The following EEPD1 variants were observed in gnomAD, a reference collection of about 807,000 sequenced individuals.
EEPD1 encodes endonuclease/exonuclease/phosphatase family domain containing 1.
In EEPD1, 17 loss-of-function variants were observed where a neutral mutation model predicts 46.3. That is an observed-to-expected ratio of 0.37 (90% CI 0.25 to 0.55). The LOEUF (loss-of-function observed/expected upper bound fraction) is 0.55. Among genes scored for constraint, EEPD1 ranks in the 20% least tolerant of loss-of-function variants. The pLI, the probability that EEPD1 is intolerant of heterozygous loss-of-function variation, is 0.83. For missense variants in EEPD1, 673 were observed against 745.6 expected, an observed-to-expected ratio of 0.90 and a Z score of 1.13; for synonymous variants, 313 against 315.6, an observed-to-expected ratio of 0.99 and a Z score of 0.09.
At chr7:36,181,606 C>T (rs1330194559) in intron 2 of EEPD1, among the ~76,000 whole-genome samples, 1 of 152,130 alleles carries the variant, frequency 6.6e-6, no homozygotes, top group African/African-American at 2.4e-5. Flanking sequence ...AAACACTGCC[C>T]TCATGTTACA....
Position 36,301,070 on chromosome 7 carries a change from C to T in EEPD1, c.*1864C>T, listed in dbSNP as rs1025172351. On this transcript the variant is annotated 3_prime_UTR_variant, in exon 8 of 8. Coordinates refer to ENST00000242108, the MANE Select transcript of EEPD1 (RefSeq NM_030636.3). ...CTTTAGCCAGATTGCTTTTTGCAACCAAAGCTGTGGACAGAAAAGCCTCCT... is the reference window on the plus strand; with the variant it reads ...CTTTAGCCAGATTGCTTTTTGCAACTAAAGCTGTGGACAGAAAAGCCTCCT... The T allele has an allele frequency of 2.0e-5, 3 of 152,304 alleles. No homozygotes were observed. The highest frequency in any genetic ancestry group is 7.2e-5 in the African/African-American group (3 of 41,562). The allele number at this position is 152,304 out of a possible 1,614,324, so 9.4% of individuals were successfully genotyped here.
At chr7:36,163,910 G>T (rs1396695827) in intron 2 of EEPD1, among the ~76,000 whole-genome samples, 3 of 148,866 alleles carry the variant, frequency 2.0e-5, no homozygotes, top group Non-Finnish European at 4.5e-5. Flanking sequence ...AAGCTATTCT[G>T]TTCAGTAATG....
intron 3 of EEPD1, among the ~76,000 whole-genome samples, chr7:36,272,117 A>G (rs1232730291): frequency 6.6e-6 from 1 of 151,920 alleles, no homozygotes; most frequent in Non-Finnish European, 1.5e-5. Flanking sequence ...TCCTGACCTC[A>G]AGTGATCCAC....
chr7:36,227,738 G>A (rs967305145), intron 2 of EEPD1, among the ~76,000 whole-genome samples: 3 of 152,148 alleles, frequency 2.0e-5, no homozygotes, highest in Admixed American at 6.5e-5. Flanking sequence ...TGCCCAGGCT[G>A]GAGTGCAGAT....
At chr7:36,254,722 A>G (rs897534741) in intron 3 of EEPD1, among the ~76,000 whole-genome samples, 1 of 152,146 alleles carries the variant, frequency 6.6e-6, no homozygotes, top group African/African-American at 2.4e-5. Context: ...TCTGTCTTCC[A>G]CAATGGTTTA....
chr7:36,284,868 A>G, intron 5 of EEPD1, 48 bp downstream of exon 5: 1 of 1,431,052 alleles, frequency 7.0e-7, no homozygotes, highest in Middle Eastern at 1.9e-4. Context: ...TCTTTCTAAA[A>G]AGGAAAGAAA....
chr7:36,181,618 G>A (rs1037948019), intron 2 of EEPD1, among the ~76,000 whole-genome samples: 1 of 152,098 alleles, frequency 6.6e-6, no homozygotes, highest in African/African-American at 2.4e-5. Flanking sequence ...CATGTTACAG[G>A]GAAATGTGGC....
At chr7:36,292,139 C>G (rs1787451987) in intron 6 of EEPD1, among the ~76,000 whole-genome samples, 1 of 152,186 alleles carries the variant, frequency 6.6e-6, no homozygotes, top group Middle Eastern at 3.2e-3. Context: ...GGGGCCCACG[C>G]TACATGTGAG....
chr7:36,201,924 A>C (rs1177420045), intron 2 of EEPD1, among the ~76,000 whole-genome samples: 3 of 152,226 alleles, frequency 2.0e-5, no homozygotes, highest in African/African-American at 7.2e-5. Context: ...TATCATTCAA[A>C]GGGTTCTACC....
intron 2 of EEPD1, among the ~76,000 whole-genome samples, chr7:36,164,554 G>A (rs1784951477): frequency 6.6e-6 from 1 of 152,184 alleles, no homozygotes; most frequent in East Asian, 1.9e-4. Flanking sequence ...TTGTACCCAT[G>A]TTGTTTATTT....
chr7:36,180,860 C>G (rs1174938923), intron 2 of EEPD1, among the ~76,000 whole-genome samples: 2 of 152,030 alleles, frequency 1.3e-5, no homozygotes, highest in African/African-American at 4.8e-5. Flanking sequence ...CCCCCACCCC[C>G]TCATCATGCA....
At chr7:36,219,806 A>AGAGAGAGAGAGTGTGT (rs1341203087) in intron 2 of EEPD1, among the ~76,000 whole-genome samples, 2 of 75,400 alleles carry the variant, frequency 2.7e-5, no homozygotes, top group Admixed American at 1.7e-4. Context: ...AGAGAGAGAG[A>AGAGAGAGAGAGTGTGT]GTGTGTGTGT....
chr7:36,300,561 TC>T lies in EEPD1; in HGVS notation c.*1358del, dbSNP rs1787605094. On this transcript the variant is annotated 3_prime_UTR_variant, in exon 8 of 8. Coordinates refer to ENST00000242108, the MANE Select transcript of EEPD1 (RefSeq NM_030636.3). The stretch of plus-strand genomic sequence containing the variant: ...TTAGATTACCTAGATTATTCCAGTA[TC>T]CCATGGAAGCTGAGGACTTATTCCG... 6.6e-6 allele frequency: 1 copy of T among 152,242 alleles called. No individual in the cohort carries two copies. The highest frequency in any genetic ancestry group is 6.5e-5 in the Admixed American group (1 of 15,288). The allele number at this position is 152,242 out of a possible 1,614,324, so 9.4% of individuals were successfully genotyped here.
chr7:36,234,709 G>C (rs905721758), intron 2 of EEPD1, among the ~76,000 whole-genome samples: 2 of 152,028 alleles, frequency 1.3e-5, no homozygotes, highest in Admixed American at 6.6e-5. Flanking sequence ...AATCCCTTTG[G>C]AGGGAGGCAT....
intron 3 of EEPD1, among the ~76,000 whole-genome samples, chr7:36,263,225 G>A (rs552340471): frequency 1.3e-5 from 2 of 152,094 alleles, no homozygotes; most frequent in African/African-American, 2.4e-5. Context: ...CCAGCTACTC[G>A]GGAGGCTGAG....
intron 6 of EEPD1, among the ~76,000 whole-genome samples, chr7:36,289,695 C>T (rs537873889): frequency 6.8e-4 from 103 of 152,342 alleles, no homozygotes; most frequent in African/African-American, 2.4e-3. Context: ...GGGGTTTCAC[C>T]GTGTTAGCCA....
chr7:36,232,520 A>G (rs960252563), intron 2 of EEPD1, among the ~76,000 whole-genome samples: 1 of 151,758 alleles, frequency 6.6e-6, no homozygotes, highest in African/African-American at 2.4e-5. Flanking sequence ...TTTTAGTAGT[A>G]TAAGAATGTC....
chr7:36,269,596 G>T (rs1178957398), intron 3 of EEPD1, among the ~76,000 whole-genome samples: 1 of 152,108 alleles, frequency 6.6e-6, no homozygotes, highest in East Asian at 1.9e-4. Context: ...TCACAGGCAG[G>T]TATATTAAAA....
At chr7:36,294,061 C>T (rs554853619) in intron 6 of EEPD1, among the ~76,000 whole-genome samples, 32 of 152,060 alleles carry the variant, frequency 2.1e-4, no homozygotes, top group African/African-American at 7.2e-4. Flanking sequence ...GGTAAAGTTG[C>T]TAACATTTGA....
Sources: gnomAD v4.1 joint callset for allele counts (sites outside exome capture counted in the v4.1 genomes callset) on GRCh38, gnomAD v4.1.1 for gene constraint, MANE v1.5 for transcripts, NCBI Gene and HGNC (gene_info 2026-07-23, HGNC 2026-07-21) for gene names.